Variants in PHLPP1 observed in about 807,000 individuals in gnomAD.
The protein encoded by PHLPP1 is PH domain and leucine rich repeat protein phosphatase 1.
A neutral mutation model predicts 117.2 loss-of-function variants in PHLPP1; 42 were observed. The ratio of observed to expected loss-of-function variants is 0.36; its 90% CI spans 0.28 to 0.46. PHLPP1 has a LOEUF of 0.46. Among genes scored for constraint, PHLPP1 ranks in the 20% least tolerant of loss-of-function variants. The pLI, the probability that PHLPP1 is intolerant of heterozygous loss-of-function variation, is 1.00. For synonymous variants in PHLPP1, 1,042 were observed against 970.7 expected, an observed-to-expected ratio of 1.07 and a Z score of -1.37; for missense variants, 2,084 against 2,241.9, an observed-to-expected ratio of 0.93 and a Z score of 1.42.
chr18:62,852,757 A>T (rs1049013933), intron 3 of PHLPP1, among the ~76,000 whole-genome samples: 2 of 152,210 alleles, frequency 1.3e-5, no homozygotes, highest in Non-Finnish European at 2.9e-5. Context: ...TGCACATAAG[A>T]AGGATAAATA....
chr18:62,741,787 G>C, intron 1 of PHLPP1, among the ~76,000 whole-genome samples: 1 of 151,264 alleles, frequency 6.6e-6, no homozygotes. Flanking sequence ...ACGTGAAAGA[G>C]CATTGCAAAT....
At chr18:62,895,304 TATG>T in intron 5 of PHLPP1, 147 bp downstream of exon 5, 4 of 731,814 alleles carry the variant, frequency 5.5e-6, no homozygotes, top group Non-Finnish European at 8.7e-6. Flanking sequence ...ATGTAGTCCG[TATG>T]GAGTTCATAT....
intron 1 of PHLPP1, among the ~76,000 whole-genome samples, chr18:62,773,627 T>C (rs1912863431): frequency 6.6e-6 from 1 of 152,222 alleles, no homozygotes; most frequent in African/African-American, 2.4e-5. Context: ...TGTTTGTTGT[T>C]AACCAAAATG....
intron 9 of PHLPP1, among the ~76,000 whole-genome samples, chr18:62,917,726 A>AT (rs1909334954): frequency 6.6e-6 from 1 of 151,586 alleles, no homozygotes. Flanking sequence ...AGGCAGGAGG[A>AT]TTGCTTGAGC....
At chr18:62,933,846 C>T (rs1350966206) in intron 10 of PHLPP1, among the ~76,000 whole-genome samples, 1 of 152,034 alleles carries the variant, frequency 6.6e-6, no homozygotes, top group African/African-American at 2.4e-5. Context: ...GCAAACTATG[C>T]AACTGGCAAA....
intron 12 of PHLPP1, 29 bp downstream of exon 12, chr18:62,945,300 G>A (rs752871364): frequency 6.4e-7 from 1 of 1,555,158 alleles, no homozygotes; most frequent in African/African-American, 1.4e-5. Flanking sequence ...TAAACTCTAA[G>A]CTTCAGGTCG....
chr18:62,977,326 C>T (rs1026785399), intron 16 of PHLPP1, among the ~76,000 whole-genome samples: 1 of 149,580 alleles, frequency 6.7e-6, no homozygotes, highest in African/African-American at 2.5e-5. Context: ...CATAATGAAG[C>T]CTTTCCTGGA....
At chr18:62,828,156 T>G (rs887014771) in intron 1 of PHLPP1, among the ~76,000 whole-genome samples, 6 of 152,124 alleles carry the variant, frequency 3.9e-5, no homozygotes, top group Non-Finnish European at 7.4e-5. Context: ...TTCATTTTTA[T>G]TATTCTTTGT....
chr18:62,764,287 A>C (rs1912381457), intron 1 of PHLPP1, among the ~76,000 whole-genome samples: 1 of 151,930 alleles, frequency 6.6e-6, no homozygotes, highest in African/African-American at 2.4e-5. Flanking sequence ...TAGGCAGATT[A>C]TTCTTTCTCA....
At chr18:62,899,262 C>A (rs1916654338) in intron 6 of PHLPP1, among the ~76,000 whole-genome samples, 1 of 152,140 alleles carries the variant, frequency 6.6e-6, no homozygotes, top group Non-Finnish European at 1.5e-5. Flanking sequence ...ATCCTTCAAC[C>A]CCAGTGTGAG....
chr18:62,825,056 T>C (rs894443146), intron 1 of PHLPP1, among the ~76,000 whole-genome samples: 2 of 151,874 alleles, frequency 1.3e-5, no homozygotes, highest in Non-Finnish European at 1.5e-5. Flanking sequence ...TCTCCCGGGT[T>C]CAAGTGATTG....
chr18:62,810,853 C>T (rs978592119), intron 1 of PHLPP1, among the ~76,000 whole-genome samples: 2 of 152,114 alleles, frequency 1.3e-5, no homozygotes, highest in Non-Finnish European at 2.9e-5. Flanking sequence ...TTATTTAGAT[C>T]GGAGGTCAGT....
At chr18:62,808,117 C>G (rs1008826699) in intron 1 of PHLPP1, among the ~76,000 whole-genome samples, 8 of 152,004 alleles carry the variant, frequency 5.3e-5, no homozygotes, top group Non-Finnish European at 1.2e-4. Context: ...TGGATTGGGT[C>G]TGGGGTGTGT....
At chr18:62,759,784 A>AT (rs1426253436) in intron 1 of PHLPP1, among the ~76,000 whole-genome samples, 2 of 152,110 alleles carry the variant, frequency 1.3e-5, no homozygotes, top group African/African-American at 4.8e-5. Context: ...TCATCTTACC[A>AT]TTTATGTATC....
intron 1 of PHLPP1, among the ~76,000 whole-genome samples, chr18:62,751,898 C>T (rs1441376785): frequency 6.6e-6 from 1 of 152,144 alleles, no homozygotes; most frequent in African/African-American, 2.4e-5. Flanking sequence ...TTGATAACTC[C>T]TGTTAACAGA....
intron 9 of PHLPP1, 68 bp downstream of exon 9, chr18:62,915,076 T>C (rs1417975010): frequency 1.8e-6 from 2 of 1,121,292 alleles, no homozygotes; most frequent in Non-Finnish European, 2.6e-6. Context: ...GCTGATTCAG[T>C]GTTTAACTTG....
chr18:62,902,164 G>T (rs142153102), intron 6 of PHLPP1, among the ~76,000 whole-genome samples: 2 of 152,272 alleles, frequency 1.3e-5, no homozygotes, highest in Non-Finnish European at 2.9e-5. Flanking sequence ...ACTTCAGTCA[G>T]TTAGCTCACT....
chr18:62,746,630 A>G (rs1481193519), intron 1 of PHLPP1, among the ~76,000 whole-genome samples: 2 of 152,154 alleles, frequency 1.3e-5, no homozygotes, highest in East Asian at 3.8e-4. Flanking sequence ...ACACCTGTGT[A>G]ACTATCCACC....
Position 62,717,203 on chromosome 18 carries a change from G to C in PHLPP1, c.1520G>C (p.Arg507Thr). ...CAACTGGGATTTGGGGAGCTGTGGA[G>C]GGTGCAGGAGGAAGGCATGGACTCG... ...LFQLGFGELW[R>T]VQEEGMDSEI... is the part of the protein sequence containing the mutation. Residue 507 changes from arginine to threonine, a missense_variant, in exon 1 of 17, where the codon AGG (arginine) becomes ACG (threonine). Around this residue, in one of 2 missense-constraint regions of PHLPP1, gnomAD observed 1,365 missense variants for 1,605.9 expected, o/e 0.85. Transcript: ENST00000262719. 1 of 1,610,670 alleles carries C rather than the reference G, an allele frequency of 6.2e-7. No individual in the cohort carries two copies. Among genetic ancestry groups the C allele is most frequent in the Non-Finnish European group, 8.5e-7 (1 of 1,177,778 alleles).
Sources: allele counts gnomAD v4.1 joint callset (sites outside exome capture counted in the v4.1 genomes callset), GRCh38; gene constraint gnomAD v4.1.1; regional missense constraint gnomAD v4.1.1; transcripts MANE v1.5; gene names NCBI Gene and HGNC (gene_info 2026-07-23, HGNC 2026-07-21).